TNNI3K: variants seen among roughly 807,000 people sequenced by gnomAD.
TNNI3K encodes serine/threonine-protein kinase TNNI3K.
TNNI3K carries 140 observed loss-of-function variants against 114.5 expected under a neutral mutation model. The observed-to-expected ratio is 1.22, with a 90% CI of 1.07 to 1.41. The LOEUF is 1.41. Among genes scored for constraint, TNNI3K ranks in the 40% most tolerant of loss-of-function variants. The pLI is 0.00. For synonymous variants in TNNI3K, 347 were observed against 347.5 expected (o/e 1.00, Z 0.02); for missense variants, 1,125 against 1,007.6 (o/e 1.12, Z -1.58).
chr1:74,257,663 C>CTTACCTCTTTTTT (rs771946564), intron 4 of TNNI3K, among the ~76,000 whole-genome samples: 1 of 87,242 alleles, frequency 1.1e-5, no homozygotes, highest in African/African-American at 5.4e-5. Flanking sequence ...TGGCTTACCT[C>CTTACCTCTTTTTT]TTTTTTTTTT....
At chr1:74,333,974 G>T (rs1304584474) in intron 6 of TNNI3K, among the ~76,000 whole-genome samples, 1 of 152,150 alleles carries the variant, frequency 6.6e-6, no homozygotes, top group Non-Finnish European at 1.5e-5. Context: ...GTCTTGATCT[G>T]CCCATTAGCC....
At chr1:74,279,499 A>G (rs1378867891) in intron 5 of TNNI3K, among the ~76,000 whole-genome samples, 2 of 152,196 alleles carry the variant, frequency 1.3e-5, no homozygotes, top group African/African-American at 4.8e-5. Context: ...TTTCCAGATG[A>G]TTCATATGCA....
rs569167889 is a variant in TNNI3K, at chr1:74,331,294, AC to A, written c.445-155del. ...TTTAGTCTTTATCTTTCATAAAAAA[AC>A]AGGACACTGGAGGTCTTGGATAAGG... On this transcript the variant is annotated intron_variant, in intron 5 of 24. Coordinates refer to ENST00000326637, the MANE Select transcript of TNNI3K (RefSeq NM_015978.3). Among the ~76,000 whole-genome samples the A allele has an allele frequency of 1.4e-3, 206 of 152,342 alleles. 2 individuals are homozygous for A. The highest frequency in any genetic ancestry group is 4.7e-3 in the African/African-American group (194 of 41,582).
intron 5 of TNNI3K, among the ~76,000 whole-genome samples, chr1:74,314,749 A>G (rs1659211431): frequency 6.6e-6 from 1 of 152,084 alleles, no homozygotes; most frequent in Non-Finnish European, 1.5e-5. Context: ...TATATATGTA[A>G]TTGTCTTTGT....
intron 11 of TNNI3K, among the ~76,000 whole-genome samples, chr1:74,359,610 A>G (rs1053794512): frequency 6.6e-6 from 1 of 152,052 alleles, no homozygotes; most frequent in Non-Finnish European, 1.5e-5. Flanking sequence ...TTTGAAAATA[A>G]CTAATCAAAA....
intron 17 of TNNI3K, among the ~76,000 whole-genome samples, chr1:74,418,815 A>G (rs112712917): frequency 1.0e-3 from 156 of 151,792 alleles, no homozygotes; most frequent in African/African-American, 3.5e-3. Flanking sequence ...TTAGATGTTT[A>G]TAGGATACCT....
chr1:74,523,411 A>G (rs1034854254), intron 23 of TNNI3K, among the ~76,000 whole-genome samples: 2 of 152,050 alleles, frequency 1.3e-5, no homozygotes, highest in African/African-American at 2.4e-5. Context: ...TTGTGTATTC[A>G]AACATACTTG....
intron 17 of TNNI3K, among the ~76,000 whole-genome samples, chr1:74,407,783 C>T (rs1003619194): frequency 6.6e-6 from 1 of 152,062 alleles, no homozygotes; most frequent in Non-Finnish European, 1.5e-5. Flanking sequence ...TAGGTCCCAG[C>T]CAAAGAAGAT....
chr1:74,442,115 T>C (rs1666399993), intron 20 of TNNI3K, among the ~76,000 whole-genome samples: 1 of 152,112 alleles, frequency 6.6e-6, no homozygotes, highest in African/African-American at 2.4e-5. Context: ...TTTTGAGTTC[T>C]TATTTTTTTA....
chr1:74,320,684 C>T (rs891739243), intron 5 of TNNI3K, among the ~76,000 whole-genome samples: 1 of 152,020 alleles, frequency 6.6e-6, no homozygotes, highest in Non-Finnish European at 1.5e-5. Context: ...AATGACATAA[C>T]GTTTAGAATT....
chr1:74,306,947 C>A (rs517095), intron 5 of TNNI3K, among the ~76,000 whole-genome samples: 151,906 of 152,306 alleles, frequency 1, 75,755 homozygotes, highest in Non-Finnish European at 1. Context: ...GGTCAATTCC[C>A]GAAGAGTTTT....
At chr1:74,424,846 GCT>G (rs999259115) in intron 17 of TNNI3K, among the ~76,000 whole-genome samples, 18 of 151,984 alleles carry the variant, frequency 1.2e-4, no homozygotes, top group African/African-American at 4.3e-4. Flanking sequence ...GCTATAATTT[GCT>G]CAGATTGTAG....
At chr1:74,368,102 C>A (rs1662375977) in intron 13 of TNNI3K, 138 bp downstream of exon 13, 3 of 784,574 alleles carry the variant, frequency 3.8e-6, no homozygotes, top group Non-Finnish European at 5.6e-6. Context: ...ACAGACCGTT[C>A]TTTTCATAAT....
rs949226532 is a variant in TNNI3K, at chr1:74,464,715, G to A, written c.2121+1165G>A. On this transcript the variant is annotated intron_variant, in intron 21 of 24. Coordinates refer to ENST00000326637, the MANE Select transcript of TNNI3K (RefSeq NM_015978.3). The stretch of plus-strand genomic sequence containing the variant: ...AGAAGAAAAATGAAGATCGTTTTGG[G>A]ATGTGGATTGAGTATCTCAGAAGAT... The A allele has an allele frequency of 5.7e-6, 9 of 1,587,036 alleles. No individual in the cohort carries two copies. The Admixed American group carries it at 8.9e-5, about 16-fold the overall frequency.
chr1:74,422,794 A>G (rs1256120753), intron 17 of TNNI3K, among the ~76,000 whole-genome samples: 2 of 152,134 alleles, frequency 1.3e-5, no homozygotes, highest in African/African-American at 4.8e-5. Context: ...TTAGGAACAA[A>G]ATGTTCTTCA....
chr1:74,472,172 A>G (rs1022393364), intron 21 of TNNI3K: 1 of 716,854 alleles, frequency 1.4e-6, no homozygotes, highest in African/African-American at 1.7e-5. Flanking sequence ...GGTGTTGCAT[A>G]TCTTCTTCTA....
intron 21 of TNNI3K, among the ~76,000 whole-genome samples, chr1:74,467,900 GAT>G (rs1420594578): frequency 6.6e-6 from 1 of 152,044 alleles, no homozygotes; most frequent in Non-Finnish European, 1.5e-5. Flanking sequence ...GCCCAACAAA[GAT>G]AAAAAATGAA....
chr1:74,243,881 C>T (rs1654393745), intron 2 of TNNI3K, among the ~76,000 whole-genome samples: 1 of 151,936 alleles, frequency 6.6e-6, no homozygotes, highest in South Asian at 2.1e-4. Context: ...TACAGTGTGG[C>T]ATGGCAGGTG....
chr1:74,463,753 C>T (rs539198787), intron 21 of TNNI3K, among the ~76,000 whole-genome samples: 5 of 152,274 alleles, frequency 3.3e-5, no homozygotes, highest in Non-Finnish European at 5.9e-5. Flanking sequence ...GATTTTGAAA[C>T]GTTTCTCACA....
Sources: allele counts gnomAD v4.1 joint callset (sites outside exome capture counted in the v4.1 genomes callset), GRCh38; gene constraint gnomAD v4.1.1; transcripts MANE v1.5; gene names NCBI Gene and HGNC (gene_info 2026-07-23, HGNC 2026-07-21).